Variants in CEP290 observed in about 807,000 individuals in gnomAD.
CEP290 encodes the protein centrosomal protein of 290 kDa.
In CEP290, 317 loss-of-function variants were observed where a neutral mutation model predicts 344.9. The observed-to-expected ratio is 0.92, with a 90% confidence interval of 0.84 to 1.01. The LOEUF is 1.01. CEP290 is among the 50% of genes least tolerant of loss of function. The pLI is 0.00. For missense variants in CEP290, 2,754 were observed against 2,761.4 expected (o/e 1.00, Z 0.06); for synonymous variants, 932 against 895.8 (o/e 1.04, Z -0.72).
intron 49 of CEP290, 67 bp downstream of exon 49, chr12:88,058,781 G>A: frequency 6.7e-7 from 1 of 1,494,672 alleles, no homozygotes; most frequent in Non-Finnish European, 9.2e-7. Flanking sequence ...GAATAGTGTT[G>A]TCTTTTAAAA....
In CEP290 at chr12:88,140,559, C is replaced by A. The variant is rs559165555; in HGVS notation, c.180+397G>T. ...AACCAACAGCTCTAGAATTCCCTTA[C>A]TATCTTACCACTGCATTGCCTTCCA... On this transcript the variant is annotated intron_variant, in intron 3 of 53. Transcript: ENST00000552810. Among the ~76,000 whole-genome samples, 21 of 152,320 alleles carry A rather than the reference C, an allele frequency of 1.4e-4. No homozygotes were observed. In the South Asian group the frequency reaches 4.1e-3, roughly 30 times the overall value.
At position 88,087,886 on chromosome 12, in the gene CEP290, C is replaced by G; in HGVS notation, c.4088G>C (p.Arg1363Pro). 8.1e-7 allele frequency: 1 copy of G among 1,227,694 alleles called. No individual in the cohort carries two copies. The highest frequency in any genetic ancestry group is 1.0e-6 in the Non-Finnish European group (1 of 959,094). The allele number at this position is 1,227,694 out of a possible 1,614,324, so 76.1% of individuals were successfully genotyped here. A position where few individuals can be genotyped will look rare whatever the true frequency, so the allele number is the denominator to read the frequency against. ...TTCTTCTTTATCCTTGACTAATTCC[C>G]GATTTAGTTTAAGTTCTTGAAGACG... ...ELRLQELKLN[R>P]ELVKDKEEIK... The change falls in exon 32 of 54, where the codon CGG becomes CCG. Residue 1363 changes from arginine (R) to proline (P), a missense_variant. Transcript: ENST00000552810.
At position 88,107,098 on chromosome 12, in the gene CEP290, A is replaced by C. The variant is rs1429403008; in HGVS notation, c.2484T>G (p.Ser828Arg). 3 of 1,507,900 alleles carry C rather than the reference A, an allele frequency of 2.0e-6. No homozygotes were observed. In the Admixed American group the frequency reaches 6.8e-5, roughly 34 times the overall value. 93.4% of individuals were successfully genotyped at this position (1,507,900 alleles called of 1,614,324 possible). A position where few individuals can be genotyped will look rare whatever the true frequency, so the allele number is the denominator to read the frequency against. ...QQSLLYKEYL[S>R]EKETWKTESK... is the part of the protein sequence containing the mutation. ...ATTCTGTTTTCCAGGTCTCCTTTTC[A>C]CTAAAAACAAAACAAAACAAAAAGA... The change falls in exon 24 of 54, where the codon AGT (serine) becomes AGG (arginine). Residue 828 changes from serine to arginine, a missense_variant and splice_region_variant. Coordinates refer to ENST00000552810, the MANE Select transcript of CEP290 (RefSeq NM_025114.4).
intron 15 of CEP290, 98 bp downstream of exon 15, chr12:88,120,016 T>C (rs2039304896): frequency 7.2e-6 from 5 of 693,072 alleles, no homozygotes; most frequent in Non-Finnish European, 8.7e-6. Context: ...GAAAAAAGCA[T>C]TAAACTACTT....
intron 27 of CEP290, 30 bp from the exon 28 acceptor site, chr12:88,094,005 A>G: frequency 6.7e-7 from 1 of 1,482,452 alleles, no homozygotes; most frequent in South Asian, 1.3e-5. Flanking sequence ...AGTCAATCTC[A>G]TGCTGTTTAT....
intron 10 of CEP290, among the ~76,000 whole-genome samples, chr12:88,129,486 T>C (rs1374866928): frequency 6.6e-6 from 1 of 151,926 alleles, no homozygotes; most frequent in Non-Finnish European, 1.5e-5. Context: ...TCAAGTATCA[T>C]TTATATATCC....
intron 18 of CEP290, chr12:88,115,622 C>G: frequency 8.7e-7 from 1 of 1,150,042 alleles, no homozygotes; most frequent in East Asian, 5.8e-5. Flanking sequence ...TATCAATGTA[C>G]TGCATTTTAG....
chr12:88,062,989 T>A (rs2034596986), intron 45 of CEP290, among the ~76,000 whole-genome samples: 1 of 152,106 alleles, frequency 6.6e-6, no homozygotes, highest in Non-Finnish European at 1.5e-5. Context: ...TTTCCCACAT[T>A]ATTGCCTGAT....
At chr12:88,067,615 T>A (rs1348399228) in intron 44 of CEP290, among the ~76,000 whole-genome samples, 1 of 152,190 alleles carries the variant, frequency 6.6e-6, no homozygotes, top group Non-Finnish European at 1.5e-5. Context: ...TTTCTCACTC[T>A]TGCCTATCTT....
At chr12:88,120,336 G>T in intron 14 of CEP290, 60 bp from the exon 15 acceptor site, 1 of 876,060 alleles carries the variant, frequency 1.1e-6, no homozygotes, top group Non-Finnish European at 1.6e-6. Flanking sequence ...AATTTATCAA[G>T]TTCATGATTT....
chr12:88,069,454 T>G (rs1226569334), intron 43 of CEP290, among the ~76,000 whole-genome samples: 1 of 152,112 alleles, frequency 6.6e-6, no homozygotes, highest in African/African-American at 2.4e-5. Context: ...TTGTAAAACC[T>G]GCAAAGAAGA....
At chr12:88,104,157 T>G (rs1235254450) in intron 25 of CEP290, 1 of 152,110 alleles carries the variant, frequency 6.6e-6, no homozygotes, top group Non-Finnish European at 1.5e-5. Context: ...TTATATTTAT[T>G]AAAGAATTTC....
chr12:88,086,430 A>G lies in CEP290; in HGVS notation c.4263T>C (p.Phe1421=), dbSNP rs2137219486. ...TTAGTATTTCATTTTGCTGACGGTC[A>G]AAAATGTCTAGTTGGCGTTCCAGGT... is the stretch of plus-strand genomic sequence containing the variant. ...EVDLERQLDI[F]DRQQNEILNA... is the part of the protein sequence containing the mutation. The change falls in exon 33 of 54, where the codon TTT becomes TTC. Residue 1421 remains phenylalanine, a synonymous_variant. Transcript: ENST00000552810. 6.3e-7 allele frequency: 1 copy of G among 1,598,792 alleles called. No individual in the cohort carries two copies.
At chr12:88,087,338 A>G (rs1328102805) in intron 32 of CEP290, among the ~76,000 whole-genome samples, 1 of 152,214 alleles carries the variant, frequency 6.6e-6, no homozygotes, top group African/African-American at 2.4e-5. Flanking sequence ...GAATTTTTAG[A>G]ATAGTTTAGA....
Position 88,118,747 on chromosome 12 carries a change from C to A in CEP290, c.1523-4G>T, listed in dbSNP as rs746906765. 1 of 1,581,594 alleles carries A rather than the reference C, an allele frequency of 6.3e-7. No individual in the cohort carries two copies. The highest frequency in any genetic ancestry group is 1.1e-5 in the South Asian group (1 of 87,232). On this transcript the variant is annotated splice_polypyrimidine_tract_variant and splice_region_variant and intron_variant, in intron 15 of 53. Coordinates refer to ENST00000552810, the MANE Select transcript of CEP290 (RefSeq NM_025114.4). ...ATCATTGTCTTTGGTTCAAGGCCTA[C>A]AATAGAAAGCAATATAATTAAAAAC...
intron 26 of CEP290, among the ~76,000 whole-genome samples, chr12:88,101,017 G>GGGGAGTCACAT (rs1319505989): frequency 3.9e-5 from 6 of 152,188 alleles, no homozygotes; most frequent in Non-Finnish European, 7.4e-5. Context: ...TTTTTAAGGC[G>GGGGAGTCACAT]GGGAGTCACA....
chr12:88,085,936 G>T, intron 34 of CEP290, 103 bp downstream of exon 34: 1 of 1,035,170 alleles, frequency 9.7e-7, no homozygotes, highest in Non-Finnish European at 1.4e-6. Context: ...ATTAGCAATA[G>T]ATTCATCATT....
Position 88,071,865 on chromosome 12 carries a change from C to T in CEP290, c.5771G>A (p.Gly1924Glu). The stretch of plus-strand genomic sequence containing the variant: ...TTTCTCTTTTAACTTGTTTCGAATT[C>T]CTTCTATTTTGGCTTGCCACTTTTT... ...EGKKWQAKIE[G>E]IRNKLKEKEG... The change falls in exon 42 of 54, where the codon GGA (glycine) becomes GAA (glutamate). Residue 1924 changes from glycine to glutamate, a missense_variant. Transcript: ENST00000552810. The T allele has an allele frequency of 6.2e-7, 1 of 1,603,964 alleles. No homozygotes were observed. The highest frequency in any genetic ancestry group is 8.5e-7 in the Non-Finnish European group (1 of 1,175,864).
Position 88,093,963 on chromosome 12 carries a change from C to T in CEP290, c.3116G>A (p.Ser1039Asn), listed in dbSNP as rs1279900967. 6 of 1,605,422 alleles carry T rather than the reference C, an allele frequency of 3.7e-6. No individual in the cohort carries two copies. Among genetic ancestry groups the T allele is most frequent in the Admixed American group, 1.7e-5 (1 of 59,038 alleles). The stretch of plus-strand genomic sequence containing the variant: ...TATTGATTTCTTTGCCTTATCCATG[C>T]TAGATTCATTACCTACATGCAATAA... ...EQETKLGNES[S>N]MDKAKKSITN... The change falls in exon 28 of 54, where the codon AGC becomes AAC. Residue 1039 changes from serine to asparagine, a missense_variant. By Grantham distance (46) the Ser-to-Asn change is conservative (BLOSUM62 1). Transcript: ENST00000552810.
Sources: allele counts gnomAD v4.1 joint callset (sites outside exome capture counted in the v4.1 genomes callset), GRCh38; gene constraint gnomAD v4.1.1; transcripts MANE v1.5; gene names NCBI Gene and HGNC (gene_info 2026-07-23, HGNC 2026-07-21).